The following ARHGAP15 variants were observed in gnomAD, a reference collection of about 807,000 sequenced individuals.
ARHGAP15 encodes the protein rho GTPase-activating protein 15.
In ARHGAP15, 51 loss-of-function variants were observed where a neutral mutation model predicts 63.7. The ratio of observed to expected loss-of-function variants is 0.80; its 90% CI spans 0.64 to 1.01. The LOEUF is 1.01. Among genes scored for constraint, ARHGAP15 ranks in the 50% least tolerant of loss-of-function variants. The probability of loss-of-function intolerance (pLI) is 0.00; values close to 1 mark genes in which losing one functional copy is unlikely to be tolerated. For missense variants in ARHGAP15, 560 were observed against 564.6 expected (o/e 0.99, Z 0.08); for synonymous variants, 191 against 193.8 (o/e 0.99, Z 0.12).
intron 6 of ARHGAP15, among the ~76,000 whole-genome samples, chr2:143,425,030 G>A (rs1160524721): frequency 1.3e-5 from 2 of 152,056 alleles, no homozygotes; most frequent in Non-Finnish European, 2.9e-5. Context: ...TTTGCCTTCA[G>A]CATTATCATA....
chr2:143,508,274 C>T (rs1368726794), intron 9 of ARHGAP15, among the ~76,000 whole-genome samples: 1 of 152,236 alleles, frequency 6.6e-6, no homozygotes, highest in Non-Finnish European at 1.5e-5. Context: ...CTTGTATGTA[C>T]ATGGCTCAGT....
intron 6 of ARHGAP15, among the ~76,000 whole-genome samples, chr2:143,272,838 A>G (rs559134746): frequency 1.3e-5 from 2 of 152,260 alleles, no homozygotes; most frequent in South Asian, 2.1e-4. Flanking sequence ...ATATTAATCA[A>G]ATAGGTACTT....
intron 6 of ARHGAP15, among the ~76,000 whole-genome samples, chr2:143,325,891 T>C (rs1021831406): frequency 6.6e-6 from 1 of 152,150 alleles, no homozygotes; most frequent in Non-Finnish European, 1.5e-5. Flanking sequence ...CCAGGAAGAA[T>C]GATGACAAGT....
intron 11 of ARHGAP15, among the ~76,000 whole-genome samples, chr2:143,591,062 C>A (rs1015180643): frequency 1.3e-5 from 2 of 152,086 alleles, no homozygotes; most frequent in Non-Finnish European, 2.9e-5. Flanking sequence ...AAAAATTAGT[C>A]ATCCAATCCA....
chr2:143,372,848 A>T (rs868194627), intron 6 of ARHGAP15, among the ~76,000 whole-genome samples: 2 of 152,164 alleles, frequency 1.3e-5, no homozygotes, highest in African/African-American at 4.8e-5. Flanking sequence ...CACAAAAATG[A>T]TATGTTCTAG....
chr2:143,252,252 T>A (rs957853046), intron 6 of ARHGAP15, among the ~76,000 whole-genome samples: 3 of 151,988 alleles, frequency 2.0e-5, no homozygotes, highest in Non-Finnish European at 4.4e-5. Context: ...GATGAAAAAA[T>A]TATGTATATT....
chr2:143,461,415 T>C (rs1690935751), intron 8 of ARHGAP15, among the ~76,000 whole-genome samples: 1 of 152,104 alleles, frequency 6.6e-6, no homozygotes, highest in Non-Finnish European at 1.5e-5. Flanking sequence ...GGTAGTGAAG[T>C]TGTGATGTAG....
At chr2:143,157,441 G>T in intron 2 of ARHGAP15, among the ~76,000 whole-genome samples, 1 of 151,694 alleles carries the variant, frequency 6.6e-6, no homozygotes, top group East Asian at 2.0e-4. Context: ...AGTTTGGGGG[G>T]TTGTATGCTG....
chr2:143,183,726 T>TC (rs929108053), intron 2 of ARHGAP15, among the ~76,000 whole-genome samples: 1 of 151,240 alleles, frequency 6.6e-6, no homozygotes, highest in Non-Finnish European at 1.5e-5. Context: ...TCTTTTCTTT[T>TC]TTTTTTTTTT....
chr2:143,271,915 T>G (rs372821189), intron 6 of ARHGAP15, among the ~76,000 whole-genome samples: 2 of 152,398 alleles, frequency 1.3e-5, no homozygotes, highest in East Asian at 3.9e-4. Flanking sequence ...ATTTCAAGAA[T>G]TAAATTGAAA....
chr2:143,232,104 T>C (rs1164234958), intron 5 of ARHGAP15, among the ~76,000 whole-genome samples: 3 of 152,202 alleles, frequency 2.0e-5, no homozygotes, highest in Non-Finnish European at 4.4e-5. Flanking sequence ...AGAATCACTT[T>C]GCTTATTTTC....
intron 13 of ARHGAP15, among the ~76,000 whole-genome samples, chr2:143,743,023 G>A (rs953855994): frequency 6.6e-6 from 1 of 152,172 alleles, no homozygotes; most frequent in Non-Finnish European, 1.5e-5. Context: ...TCCCAGCTCT[G>A]GGTCTAGAGA....
intron 5 of ARHGAP15, among the ~76,000 whole-genome samples, chr2:143,239,461 C>A (rs988036121): frequency 1.3e-5 from 2 of 152,106 alleles, no homozygotes; most frequent in African/African-American, 4.8e-5. Context: ...TCCCCCAAAC[C>A]CCCAGACCCT....
intron 2 of ARHGAP15, among the ~76,000 whole-genome samples, chr2:143,188,881 C>A (rs1691557318): frequency 6.6e-6 from 1 of 151,922 alleles, no homozygotes. Flanking sequence ...GCCTCGGCCT[C>A]CCAAAGTGCT....
chr2:143,167,321 G>A (rs1218337587), intron 2 of ARHGAP15, among the ~76,000 whole-genome samples: 2 of 151,994 alleles, frequency 1.3e-5, no homozygotes, highest in African/African-American at 2.4e-5. Flanking sequence ...TAAAGTACTT[G>A]CTGGCCATTT....
At chr2:143,647,068 A>C (rs544670958) in intron 12 of ARHGAP15, among the ~76,000 whole-genome samples, 9 of 152,170 alleles carry the variant, frequency 5.9e-5, no homozygotes, top group African/African-American at 2.2e-4. Context: ...CTACTCTGTG[A>C]ATGAAAAATG....
intron 6 of ARHGAP15, among the ~76,000 whole-genome samples, chr2:143,311,488 A>G (rs1469338625): frequency 6.6e-6 from 1 of 152,132 alleles, no homozygotes; most frequent in African/African-American, 2.4e-5. Context: ...ACTACCTATC[A>G]TATCATTTGC....
intron 13 of ARHGAP15, among the ~76,000 whole-genome samples, chr2:143,740,626 T>G (rs1160894146): frequency 1.3e-5 from 2 of 152,146 alleles, no homozygotes; most frequent in Non-Finnish European, 2.9e-5. Context: ...ACAAGCGCAG[T>G]GTCAACGAGA....
chr2:143,494,352 T>C (rs906595528), intron 9 of ARHGAP15, among the ~76,000 whole-genome samples: 4 of 152,208 alleles, frequency 2.6e-5, no homozygotes, highest in African/African-American at 9.6e-5. Context: ...TTTCCCATTC[T>C]TCTTTTTTTG....
Sources: allele counts gnomAD v4.1 joint callset (sites outside exome capture counted in the v4.1 genomes callset), GRCh38; gene constraint gnomAD v4.1.1; transcripts MANE v1.5; gene names NCBI Gene and HGNC (gene_info 2026-07-23, HGNC 2026-07-21).